The following CACNA1C variants were observed in gnomAD, a reference collection of about 807,000 sequenced individuals.
CACNA1C encodes the protein calcium voltage-gated channel subunit alpha1 C.
Under a neutral mutation model 229.0 loss-of-function variants are expected in CACNA1C, and 30 were observed. The ratio of observed to expected loss-of-function variants is 0.13; its 90% CI spans 0.10 to 0.18. The LOEUF (loss-of-function observed/expected upper bound fraction) is 0.18. Among genes scored for constraint, CACNA1C ranks in the 10% least tolerant of loss-of-function variants. The pLI is 1.00. For missense variants in CACNA1C, 1,658 were observed against 2,845.0 expected, an observed-to-expected ratio of 0.58 and a Z score of 9.49; for synonymous variants, 1,114 against 1,132.5, an observed-to-expected ratio of 0.98 and a Z score of 0.33.
At chr12:1,985,140 T>C (rs936053527) in intron 1 of CACNA1C, among the ~76,000 whole-genome samples, 31 of 152,178 alleles carry the variant, frequency 2.0e-4, no homozygotes, top group Admixed American at 5.9e-4. Context: ...ACTGAGTTCC[T>C]TGAATCTATA....
chr12:2,631,210 C>G (rs992881017), intron 29 of CACNA1C, among the ~76,000 whole-genome samples: 1 of 152,220 alleles, frequency 6.6e-6, no homozygotes, highest in African/African-American at 2.4e-5. Context: ...TCAGGTCTCT[C>G]TGGTGGATGA....
chr12:2,677,338 C>A lies in CACNA1C; in HGVS notation c.4956+117C>A. Reference sequence around the variant, plus strand: ...GGAGGCCAGGTCCCTGCAGAGGGAACCTTTCAGAGAGCTCCAGACCTTTCC... The same window carrying A: ...GGAGGCCAGGTCCCTGCAGAGGGAAACTTTCAGAGAGCTCCAGACCTTTCC... On this transcript the variant is annotated intron_variant, in intron 40 of 46. Transcript: ENST00000399655. This position sits in a 1 kb window ranked among gnomAD's most constrained non-coding sequence, Gnocchi z 7.4. The A allele has an allele frequency of 1.7e-6, 2 of 1,163,634 alleles. No homozygotes were observed. The highest frequency in any genetic ancestry group is 2.7e-4 in the Middle Eastern group (1 of 3,720). The allele number at this position is 1,163,634 out of a possible 1,614,324, so 72.1% of individuals were successfully genotyped here.
intron 1 of CACNA1C, among the ~76,000 whole-genome samples, chr12:2,085,723 A>T (rs2067337147): frequency 6.6e-6 from 1 of 152,104 alleles, no homozygotes; most frequent in African/African-American, 2.4e-5. Flanking sequence ...CTCATCCTGT[A>T]CTGTGTCACC....
At chr12:2,232,955 G>A (rs1001510814) in intron 3 of CACNA1C, among the ~76,000 whole-genome samples, 2 of 152,052 alleles carry the variant, frequency 1.3e-5, no homozygotes, top group African/African-American at 4.8e-5. Context: ...GTGTTTTCTT[G>A]CTTTGGGACC....
Position 2,601,028 on chromosome 12 carries a change from C to G in CACNA1C, c.2854-826C>G, listed in dbSNP as rs2153400112. Among the ~76,000 whole-genome samples the G allele has an allele frequency of 6.6e-6, 1 of 152,300 alleles. No homozygotes were observed. Among genetic ancestry groups the G allele is most frequent in the South Asian group, 2.1e-4 (1 of 4,830 alleles). ...TGCTCCAGGCCACAAAAATAAAATA[C>G]CACAGGTCTGGGATTCCAGCCCAGG... On this transcript the variant is annotated intron_variant, in intron 21 of 46. Coordinates refer to ENST00000399655, the MANE Select transcript of CACNA1C (RefSeq NM_000719.7). The surrounding 1 kb of genome is among the most constrained non-coding windows in gnomAD (Gnocchi z 5.9).
rs2099857631 is a variant in CACNA1C at position 2,537,101 on chromosome 12, G to A, written c.1391-12842G>A. ...GGCCCTGGGCAGGGTCATAAAATAA[G>A]TGGCTTCTCCCCAGGACCACCACCT... On this transcript the variant is annotated intron_variant, in intron 9 of 46. Coordinates refer to ENST00000399655, the MANE Select transcript of CACNA1C (RefSeq NM_000719.7). Among the ~76,000 whole-genome samples the A allele has an allele frequency of 2.0e-5, 3 of 152,302 alleles. No individual in the cohort carries two copies. The East Asian group carries it at 5.8e-4, about 29-fold the overall frequency.
chr12:2,264,645 G>C (rs967369096), intron 3 of CACNA1C, among the ~76,000 whole-genome samples: 4 of 152,304 alleles, frequency 2.6e-5, no homozygotes, highest in Admixed American at 6.5e-5. Flanking sequence ...TTTACTGCCC[G>C]ATCAGGGTTT....
At chr12:2,658,930 C>T (rs1405647388) in intron 34 of CACNA1C, among the ~76,000 whole-genome samples, 1 of 151,422 alleles carries the variant, frequency 6.6e-6, no homozygotes, top group Non-Finnish European at 1.5e-5. Flanking sequence ...CACAGCTGTA[C>T]AATGTGTATT....
chr12:2,109,944 C>T lies in CACNA1C; in HGVS notation c.50-5280C>T, dbSNP rs569639976. 5.6e-4 allele frequency among the ~76,000 whole-genome samples: 86 copies of T among 152,330 alleles called. 1 individual carries two copies. The highest frequency in any genetic ancestry group is 8.7e-4 in the Non-Finnish European group (59 of 68,026). ...CCTTCTACAGTGTCACTGTAGTCCA[C>T]CTTCACCTGTATCATGACAGCATTA... On this transcript the variant is annotated intron_variant, in intron 1 of 46. Coordinates refer to ENST00000399655, the MANE Select transcript of CACNA1C (RefSeq NM_000719.7).
intron 13 of CACNA1C, among the ~76,000 whole-genome samples, chr12:2,570,535 T>C (rs998335190): frequency 2.6e-5 from 4 of 152,208 alleles, no homozygotes; most frequent in African/African-American, 9.7e-5. Flanking sequence ...AGAGAGCTAA[T>C]AGTGACCTAC....
chr12:2,254,399 T>TC (rs2076625111), intron 3 of CACNA1C, among the ~76,000 whole-genome samples: 1 of 152,202 alleles, frequency 6.6e-6, no homozygotes, highest in Non-Finnish European at 1.5e-5. Flanking sequence ...AGACACATAC[T>TC]CCAGTCTGTT....
At chr12:2,281,697 C>A (rs936729676) in intron 3 of CACNA1C, among the ~76,000 whole-genome samples, 3 of 152,168 alleles carry the variant, frequency 2.0e-5, no homozygotes, top group Non-Finnish European at 2.9e-5. Context: ...GCCCTGGCTA[C>A]TTCTAACATT....
intron 3 of CACNA1C, chr12:2,270,070 CCCATGCA>C: frequency 6.6e-6 from 1 of 152,320 alleles, no homozygotes; most frequent in East Asian, 1.9e-4. Context: ...TCAAGCAGTC[CCCATGCA>C]CCAAGCTTCC....
chr12:2,383,982 G>A (rs767772294), intron 3 of CACNA1C, among the ~76,000 whole-genome samples: 5 of 152,296 alleles, frequency 3.3e-5, no homozygotes, highest in African/African-American at 7.2e-5. Flanking sequence ...CAGATCCTCC[G>A]GGTGCAAGGT....
At chr12:2,336,326 T>C (rs900307456) in intron 3 of CACNA1C, among the ~76,000 whole-genome samples, 1 of 152,240 alleles carries the variant, frequency 6.6e-6, no homozygotes, top group Non-Finnish European at 1.5e-5. Context: ...TAAGATAATA[T>C]GAAAGAAGAC....
At chr12:2,253,301 A>ATTTG (rs2076263673) in intron 3 of CACNA1C, among the ~76,000 whole-genome samples, 1 of 152,146 alleles carries the variant, frequency 6.6e-6, no homozygotes, top group African/African-American at 2.4e-5. Context: ...CCATTTTATA[A>ATTTG]TTTGTTTCTA....
At position 2,152,646 on chromosome 12, in the gene CACNA1C, A is replaced by G. The variant is rs1218706861; in HGVS notation, c.477+32216A>G. Among the ~76,000 whole-genome samples, 4 of 152,172 alleles carry G rather than the reference A, an allele frequency of 2.6e-5. No individual in the cohort carries two copies. The highest frequency in any genetic ancestry group is 9.7e-5 in the African/African-American group (4 of 41,436). ...CAATTCATAACTTAAGTTATACCCT[A>G]CTTATTGGGAACTTTGATTTTGGAA... On this transcript the variant is annotated intron_variant, in intron 3 of 46. Coordinates refer to ENST00000399655, the MANE Select transcript of CACNA1C (RefSeq NM_000719.7). This position sits in a 1 kb window ranked among gnomAD's most constrained non-coding sequence, Gnocchi z 4.2.
chr12:2,003,198 G>T (rs1233007800), intron 1 of CACNA1C, among the ~76,000 whole-genome samples: 1 of 152,044 alleles, frequency 6.6e-6, no homozygotes, highest in African/African-American at 2.4e-5. Context: ...TTTTACTACA[G>T]GCTGCTGAAC....
intron 3 of CACNA1C, among the ~76,000 whole-genome samples, chr12:2,120,924 G>C (rs1425396704): frequency 2.0e-5 from 3 of 152,148 alleles, no homozygotes; most frequent in Non-Finnish European, 2.9e-5. Context: ...TATTGAGTTA[G>C]AAGGGCCTTA....
Sources: gnomAD v4.1 joint callset for allele counts (sites outside exome capture counted in the v4.1 genomes callset) on GRCh38, gnomAD v4.1.1 for gene constraint, Gnocchi (gnomAD v3.1) non-coding constraint, MANE v1.5 for transcripts, NCBI Gene and HGNC (gene_info 2026-07-23, HGNC 2026-07-21) for gene names.